Variants in JMJD1C observed in about 807,000 individuals in gnomAD.
JMJD1C encodes jumonji domain-containing protein 1C.
A neutral mutation model predicts 245.3 loss-of-function variants in JMJD1C; 31 were observed. The observed-to-expected ratio is 0.13, with a 90% CI of 0.09 to 0.17. JMJD1C has a LOEUF of 0.17. JMJD1C is among the 10% of genes least tolerant of loss of function. The pLI is 1.00. For missense variants in JMJD1C, 2,691 were observed against 3,000.2 expected (o/e 0.90, Z 2.41); for synonymous variants, 1,057 against 1,017.4 (o/e 1.04, Z -0.74).
chr10:63,306,328 G>A (rs1263953198), intron 2 of JMJD1C, among the ~76,000 whole-genome samples: 1 of 152,136 alleles, frequency 6.6e-6, no homozygotes, highest in Non-Finnish European at 1.5e-5. Flanking sequence ...GGCCTCGAAT[G>A]ATCTGCCCGT....
At chr10:63,419,839 A>ATT (rs1950018863) in intron 1 of JMJD1C, among the ~76,000 whole-genome samples, 2 of 144,808 alleles carry the variant, frequency 1.4e-5, no homozygotes, top group African/African-American at 2.7e-5. Flanking sequence ...TGAAATAAAA[A>ATT]AAAAAAAAAA....
In JMJD1C at chr10:63,486,163, A is replaced by C. The variant is rs1035970804; in HGVS notation, n.113+35575T>G. 2.6e-4 allele frequency among the ~76,000 whole-genome samples: 11 copies of C among 42,964 alleles called. No individual in the cohort carries two copies. In the East Asian group the frequency reaches 0.016, roughly 61 times the overall value. The allele number at this position is 42,964 out of a possible 152,430, so 28.2% of individuals were successfully genotyped here. A position where few individuals can be genotyped will look rare whatever the true frequency, so the allele number is the denominator to read the frequency against. ...AAAAAAAAAAAAAAAAAAAAAAAAA[A>C]AAAAACAAAAAACAGAAAACTTGAG... On this transcript the variant is annotated intron_variant and non_coding_transcript_variant, in intron 1 of 3. Transcript: ENST00000633035.
chr10:63,197,371 AT>A (rs779255200), intron 13 of JMJD1C, 39 bp downstream of exon 13: 171 of 1,540,816 alleles, frequency 1.1e-4, no homozygotes, highest in Non-Finnish European at 1.4e-4. Context: ...CTAAAGAAAA[AT>A]TATAAAAAAC....
intron 3 of JMJD1C, among the ~76,000 whole-genome samples, chr10:63,261,775 C>T (rs946360218): frequency 9.9e-5 from 15 of 152,092 alleles, no homozygotes; most frequent in African/African-American, 3.6e-4. Context: ...TAAGGCTGTG[C>T]AACTTGTAAA....
intron 2 of JMJD1C, among the ~76,000 whole-genome samples, chr10:63,345,053 G>C (rs901862956): frequency 6.6e-6 from 1 of 152,110 alleles, no homozygotes; most frequent in African/African-American, 2.4e-5. Flanking sequence ...AAATAAAAAT[G>C]TATGTTCACA....
At chr10:63,175,266 T>TA in intron 24 of JMJD1C, among the ~76,000 whole-genome samples, 1 of 152,284 alleles carries the variant, frequency 6.6e-6, no homozygotes, top group East Asian at 1.9e-4. Flanking sequence ...AGATTAAACA[T>TA]GAAACATAAA....
chr10:63,176,154 G>A (rs1842843151), intron 24 of JMJD1C, 143 bp downstream of exon 24: 2 of 509,260 alleles, frequency 3.9e-6, no homozygotes, highest in Non-Finnish European at 3.5e-6. Context: ...GCACTGAGAT[G>A]TCATTCTAAT....
intron 2 of JMJD1C, among the ~76,000 whole-genome samples, chr10:63,350,360 T>C (rs1944248250): frequency 6.6e-6 from 1 of 152,216 alleles, no homozygotes; most frequent in East Asian, 1.9e-4. Flanking sequence ...GCCAATTTTA[T>C]TGCTGATTAA....
intron 3 of JMJD1C, among the ~76,000 whole-genome samples, chr10:63,255,619 A>T (rs1025634504): frequency 6.6e-6 from 1 of 152,180 alleles, no homozygotes; most frequent in African/African-American, 2.4e-5. Flanking sequence ...CACCCTTTTA[A>T]AACTTAATCT....
At chr10:63,184,794 T>C (rs1843920838) in intron 20 of JMJD1C, 56 bp from the exon 21 acceptor site, 3 of 1,492,948 alleles carry the variant, frequency 2.0e-6, no homozygotes, top group Non-Finnish European at 2.7e-6. Context: ...GCTAAGTATT[T>C]TCACATATAT....
chr10:63,214,787 C>T lies in JMJD1C; in HGVS notation c.1380G>A (p.Met460Ile), dbSNP rs1343480283. 1 of 1,613,626 alleles carries T rather than the reference C, an allele frequency of 6.2e-7. No homozygotes were observed. Among genetic ancestry groups the T allele is most frequent in the South Asian group, 1.1e-5 (1 of 91,052 alleles). ...KSVDTQLQED[M>I]IIHSSEQSTV... ...TGGACTGTTCTGACGAATGAATAAT[C>T]ATATCTTCTTGAAGCTGAGTGTCAA... Residue 460 changes from methionine (M) to isoleucine (I), a missense_variant, in exon 8 of 26, where the codon ATG becomes ATA. Physicochemically the swap from Met to Ile is conservative, Grantham distance 10. Around this residue, in one of 9 missense-constraint regions of JMJD1C, gnomAD observed 1,562 missense variants for 1,490.7 expected, o/e 1.05. Transcript: ENST00000399262.
chr10:63,309,676 T>C (rs1012779384), intron 2 of JMJD1C, among the ~76,000 whole-genome samples: 3 of 151,902 alleles, frequency 2.0e-5, no homozygotes, highest in Non-Finnish European at 4.4e-5. Context: ...CCCAGCACTT[T>C]GGGAGGCCAA....
chr10:63,500,219 C>T lies in JMJD1C; in HGVS notation n.113+21519G>A, dbSNP rs186926760. On this transcript the variant is annotated intron_variant and non_coding_transcript_variant, in intron 1 of 3. Coordinates refer to the JMJD1C transcript ENST00000633035. ...GGAGAACTGCTTGAGCCCAGAAGTT[C>T]GAGACCAGCTTGGGTAACATGGTGA... is the stretch of plus-strand genomic sequence containing the variant. Among the ~76,000 whole-genome samples, 336 of 152,114 alleles carry T rather than the reference C, an allele frequency of 2.2e-3. 1 individual carries two copies. Among genetic ancestry groups the T allele is most frequent in the African/African-American group, 7.8e-3 (325 of 41,490 alleles).
At chr10:63,262,149 T>C (rs529712643) in intron 3 of JMJD1C, among the ~76,000 whole-genome samples, 1 of 152,306 alleles carries the variant, frequency 6.6e-6, no homozygotes, top group East Asian at 1.9e-4. Context: ...AAGGTTGAGA[T>C]AGGTCAAGGC....
rs1846680082 is a variant in JMJD1C at position 63,206,816 on chromosome 10, G to A, written c.4853C>T (p.Ala1618Val). The A allele has an allele frequency of 6.2e-7, 1 of 1,600,778 alleles. No individual in the cohort carries two copies. The highest frequency in any genetic ancestry group is 8.5e-7 in the Non-Finnish European group (1 of 1,176,418). The change falls in exon 10 of 26, where the codon GCC (alanine) becomes GTC (valine). Residue 1618 changes from alanine (A) to valine (V), a missense_variant. Coordinates refer to ENST00000399262, the MANE Select transcript of JMJD1C (RefSeq NM_032776.3). ...AGAGCCAGATTCATAAGTTCTTTTG[G>A]CTTTTCTCCTGTTGACTTTATCATC... ...VKDDKVNRRK[A>V]KRTYESGSES...
At chr10:63,305,629 C>CGCGTGTGTGT (rs1554880823) in intron 2 of JMJD1C, among the ~76,000 whole-genome samples, 7 of 121,774 alleles carry the variant, frequency 5.7e-5, no homozygotes, top group South Asian at 3.1e-4. Flanking sequence ...ACCATGCTGG[C>CGCGTGTGTGT]GTGTGTGTGT....
chr10:63,207,443 G>C lies in JMJD1C; in HGVS notation c.4226C>G (p.Ser1409Cys), dbSNP rs1468167929. 2 of 1,614,070 alleles carry C rather than the reference G, an allele frequency of 1.2e-6. No individual in the cohort carries two copies. Among genetic ancestry groups the C allele is most frequent in the East Asian group, 4.5e-5 (2 of 44,898 alleles). Residue 1409 changes from serine (S) to cysteine (C), a missense_variant, in exon 10 of 26, where the codon TCC (serine) becomes TGC (cysteine). Physicochemically the swap from Ser to Cys is moderately radical, Grantham distance 112. Coordinates refer to ENST00000399262, the MANE Select transcript of JMJD1C (RefSeq NM_032776.3). ...ITSAADTTSV[S>C]SWGGSEVISS... ...AATTACTTCTGAACCACCCCAGCTG[G>C]AAACACTGGTAGTATCGGCAGCAGA...
At chr10:63,169,686 TAGTAA>T (rs571177858) in intron 24 of JMJD1C, among the ~76,000 whole-genome samples, 13 of 152,284 alleles carry the variant, frequency 8.5e-5, no homozygotes, top group South Asian at 2.1e-4. Flanking sequence ...CTTGGTAGCA[TAGTAA>T]AGTAAACATT....
chr10:63,491,258 C>A (rs1258109570), intron 1 of JMJD1C, among the ~76,000 whole-genome samples: 2 of 151,986 alleles, frequency 1.3e-5, no homozygotes, highest in East Asian at 1.9e-4. Context: ...TTTTCATCAC[C>A]CCCTCCCCCA....
Sources: gnomAD v4.1 joint callset for allele counts (sites outside exome capture counted in the v4.1 genomes callset) on GRCh38, gnomAD v4.1.1 for gene constraint, gnomAD v4.1.1 regional missense constraint, MANE v1.5 for transcripts, NCBI Gene and HGNC (gene_info 2026-07-23, HGNC 2026-07-21) for gene names.